CSMD3: variants seen among roughly 807,000 people sequenced by gnomAD.
CSMD3 encodes the protein CUB and Sushi multiple domains 3.
Under a neutral mutation model 435.2 loss-of-function variants are expected in CSMD3, and 177 were observed. The ratio of observed to expected loss-of-function variants is 0.41; its 90% CI spans 0.36 to 0.46. The LOEUF is 0.46. Ranked by LOEUF, CSMD3 falls within the 20% of genes least tolerant of loss-of-function variation. The probability of loss-of-function intolerance (pLI) is 0.34; values close to 1 mark genes in which losing one functional copy is unlikely to be tolerated. For missense variants in CSMD3, 4,265 were observed against 4,504.6 expected (o/e 0.95, Z 1.52); for synonymous variants, 1,656 against 1,520.5 (o/e 1.09, Z -2.07).
intron 5 of CSMD3, among the ~76,000 whole-genome samples, chr8:113,062,626 A>G (rs1434860076): frequency 6.6e-6 from 1 of 151,836 alleles, no homozygotes; most frequent in Non-Finnish European, 1.5e-5. Context: ...TCCCTGTATC[A>G]TGAAAATGAA....
At chr8:112,383,695 C>T (rs754092295) in intron 36 of CSMD3, 32 bp from the exon 37 acceptor site, 8 of 1,258,710 alleles carry the variant, frequency 6.4e-6, no homozygotes, top group East Asian at 2.3e-5. Flanking sequence ...TAAGAATACA[C>T]ATTTCTAACC....
At chr8:112,355,548 GC>G (rs1344632707) in intron 38 of CSMD3, among the ~76,000 whole-genome samples, 2 of 152,092 alleles carry the variant, frequency 1.3e-5, no homozygotes, top group African/African-American at 4.8e-5. Flanking sequence ...TAAAAAGTGG[GC>G]AAGGCCGTGC....
intron 22 of CSMD3, among the ~76,000 whole-genome samples, chr8:112,634,553 T>C (rs912295426): frequency 4.6e-5 from 7 of 152,042 alleles, no homozygotes; most frequent in Non-Finnish European, 8.8e-5. Context: ...CTTTGCTTTC[T>C]AAATTTGTCC....
chr8:113,240,867 T>C (rs2093206983), intron 3 of CSMD3, among the ~76,000 whole-genome samples: 1 of 152,148 alleles, frequency 6.6e-6, no homozygotes, highest in South Asian at 2.1e-4. Context: ...GTACTATTTA[T>C]TTGGGATTAG....
intron 22 of CSMD3, among the ~76,000 whole-genome samples, chr8:112,624,143 T>C (rs1171820158): frequency 6.6e-6 from 1 of 152,134 alleles, no homozygotes; most frequent in Non-Finnish European, 1.5e-5. Flanking sequence ...TGTAACAACA[T>C]ATTATGATAT....
rs2077917294 is a variant in CSMD3 at position 112,764,176 on chromosome 8, T to C, written c.1972+35986A>G. 3.3e-5 allele frequency among the ~76,000 whole-genome samples: 5 copies of C among 151,498 alleles called. No individual in the cohort carries two copies. In the South Asian group the frequency reaches 1.0e-3, roughly 31 times the overall value. ...AGTGGGAAAAAATGTCTTTTAGAAA[T>C]ACATCCATGGCTTCCATTGCTATAT... On this transcript the variant is annotated intron_variant, in intron 13 of 70. Coordinates refer to ENST00000297405, the MANE Select transcript of CSMD3 (RefSeq NM_198123.2).
intron 1 of CSMD3, among the ~76,000 whole-genome samples, chr8:113,412,346 G>C (rs1366835812): frequency 6.6e-6 from 1 of 151,952 alleles, no homozygotes; most frequent in Non-Finnish European, 1.5e-5. Flanking sequence ...TCTCTACATG[G>C]GACTCGTATT....
chr8:113,353,297 G>A (rs1345102795), intron 1 of CSMD3, among the ~76,000 whole-genome samples: 1 of 151,282 alleles, frequency 6.6e-6, no homozygotes, highest in African/African-American at 2.4e-5. Flanking sequence ...GAATAATAGT[G>A]GCCTACTCAT....
chr8:112,928,078 A>C (rs1420281694), intron 9 of CSMD3, among the ~76,000 whole-genome samples: 1 of 152,162 alleles, frequency 6.6e-6, no homozygotes, highest in Non-Finnish European at 1.5e-5. Context: ...TATCACTAGG[A>C]GTACATCCTT....
intron 1 of CSMD3, among the ~76,000 whole-genome samples, chr8:113,333,643 C>G (rs571124958): frequency 6.6e-6 from 1 of 151,910 alleles, no homozygotes; most frequent in African/African-American, 2.4e-5. Context: ...ATGTTTCTAC[C>G]TCTTTGCTAA....
At chr8:112,523,247 G>C (rs879575968) in intron 27 of CSMD3, among the ~76,000 whole-genome samples, 3 of 151,872 alleles carry the variant, frequency 2.0e-5, no homozygotes, top group African/African-American at 7.2e-5. Flanking sequence ...CCTTGTATTA[G>C]TTCCCTGAAT....
intron 10 of CSMD3, among the ~76,000 whole-genome samples, chr8:112,864,970 T>C (rs1009534034): frequency 2.0e-5 from 3 of 152,220 alleles, no homozygotes; most frequent in Non-Finnish European, 4.4e-5. Context: ...GGCTACCCTA[T>C]ACATTTTACA....
chr8:113,219,383 A>C (rs868317440), intron 3 of CSMD3, among the ~76,000 whole-genome samples: 11 of 151,376 alleles, frequency 7.3e-5, no homozygotes, highest in Non-Finnish European at 1.0e-4. Context: ...GCAAATTAGC[A>C]AATAGAACAC....
chr8:112,525,153 TA>T (rs1446792673), intron 27 of CSMD3, among the ~76,000 whole-genome samples: 1 of 151,752 alleles, frequency 6.6e-6, no homozygotes, highest in Non-Finnish European at 1.5e-5. Context: ...TTATTTTCAT[TA>T]AGCAGTACGT....
chr8:112,446,919 T>A (rs1815671465), intron 32 of CSMD3, among the ~76,000 whole-genome samples: 1 of 152,194 alleles, frequency 6.6e-6, no homozygotes, highest in Non-Finnish European at 1.5e-5. Flanking sequence ...TCTTCCATCA[T>A]AATGTAAGTA....
intron 32 of CSMD3, among the ~76,000 whole-genome samples, chr8:112,435,071 T>C (rs898152044): frequency 5.3e-5 from 8 of 152,046 alleles, no homozygotes; most frequent in Non-Finnish European, 1.2e-4. Flanking sequence ...GCAATCAAAA[T>C]AGCACTGAAG....
At chr8:112,406,392 T>A in intron 35 of CSMD3, 132 bp downstream of exon 35, 1 of 513,734 alleles carries the variant, frequency 1.9e-6, no homozygotes, top group South Asian at 3.6e-5. Flanking sequence ...CATATTTATA[T>A]AAAGCATACT....
intron 1 of CSMD3, among the ~76,000 whole-genome samples, chr8:113,316,010 T>G (rs1237530392): frequency 6.6e-6 from 1 of 152,124 alleles, no homozygotes; most frequent in Non-Finnish European, 1.5e-5. Context: ...TGAGCCACCA[T>G]GCCTGGCCTC....
At chr8:113,112,454 TACACACACACACACACACGTAC>T (rs2090684470) in intron 4 of CSMD3, among the ~76,000 whole-genome samples, 1 of 45,338 alleles carries the variant, frequency 2.2e-5, no homozygotes, top group East Asian at 1.2e-3. Flanking sequence ...TATATGTATA[TACACACACACACACACACGTAC>T]ACACACACAC....
Sources: gnomAD v4.1 joint callset for allele counts (sites outside exome capture counted in the v4.1 genomes callset) on GRCh38, gnomAD v4.1.1 for gene constraint, MANE v1.5 for transcripts, NCBI Gene and HGNC (gene_info 2026-07-23, HGNC 2026-07-21) for gene names.